ACOT13: variants seen among roughly 807,000 people sequenced by gnomAD.
The protein encoded by ACOT13 is acyl-coenzyme A thioesterase 13.
ACOT13 carries 10 observed loss-of-function variants against 11.8 expected under a neutral mutation model. That is an observed-to-expected ratio of 0.85 (90% CI 0.53 to 1.44). The LOEUF is 1.44. Among genes scored for constraint, ACOT13 ranks in the 40% most tolerant of loss-of-function variants. The pLI is 0.00. For missense variants in ACOT13, 172 were observed against 174.1 expected (o/e 0.99, Z 0.07); for synonymous variants, 53 against 61.0 (o/e 0.87, Z 0.61).
chr6:24,691,454 G>A (rs569266688), intron 1 of ACOT13, among the ~76,000 whole-genome samples: 1 of 152,296 alleles, frequency 6.6e-6, no homozygotes, highest in East Asian at 1.9e-4. Flanking sequence ...AGAATATATA[G>A]TATGTTAGAT....
chr6:24,677,463 G>C (rs1562156500), intron 1 of ACOT13, among the ~76,000 whole-genome samples: 1 of 152,190 alleles, frequency 6.6e-6, no homozygotes, highest in African/African-American at 2.4e-5. Flanking sequence ...GACTGCTACT[G>C]TTGCCACTAC....
chr6:24,672,666 T>C (rs531973228), intron 1 of ACOT13, among the ~76,000 whole-genome samples: 1 of 151,948 alleles, frequency 6.6e-6, no homozygotes, highest in Non-Finnish European at 1.5e-5. Flanking sequence ...ACAAAAGATA[T>C]AACTTCCATA....
At position 24,701,362 on chromosome 6, in the gene ACOT13, G is replaced by T. The variant is rs373925310; in HGVS notation, c.267-97G>T. 6 of 1,078,226 alleles carry T rather than the reference G, an allele frequency of 5.6e-6. No homozygotes were observed. In the African/African-American group the frequency reaches 9.6e-5, roughly 17 times the overall value. The allele number at this position is 1,078,226 out of a possible 1,614,324, so 66.8% of individuals were successfully genotyped here. A position where few individuals can be genotyped will look rare whatever the true frequency, so the allele number is the denominator to read the frequency against. ...AATACTACCGTTAAAACTATTTTTA[G>T]GAGTAAAATAAGTTACATAGGAACA... On this transcript the variant is annotated intron_variant, in intron 2 of 2. Transcript: ENST00000230048.
At chr6:24,668,128 G>A (rs778121007) in intron 1 of ACOT13, among the ~76,000 whole-genome samples, 7 of 150,686 alleles carry the variant, frequency 4.6e-5, no homozygotes, top group Non-Finnish European at 8.9e-5. Context: ...GGCTGCTCTC[G>A]AACTCCCGAC....
intron 1 of ACOT13, among the ~76,000 whole-genome samples, chr6:24,696,333 A>G (rs904272522): frequency 1.3e-5 from 2 of 152,186 alleles, no homozygotes; most frequent in Admixed American, 1.3e-4. Context: ...GAAGGTGGAA[A>G]GACCTACATC....
At chr6:24,673,735 T>C (rs1375823834) in intron 1 of ACOT13, among the ~76,000 whole-genome samples, 1 of 152,208 alleles carries the variant, frequency 6.6e-6, no homozygotes, top group East Asian at 1.9e-4. Context: ...TAATTTCGTG[T>C]ATATGTGTCT....
intron 1 of ACOT13, among the ~76,000 whole-genome samples, chr6:24,682,396 T>A (rs1267695701): frequency 6.6e-6 from 1 of 152,174 alleles, no homozygotes; most frequent in Non-Finnish European, 1.5e-5. Context: ...CGTGTTCTCT[T>A]ACCTGGGGTT....
At chr6:24,674,431 T>C (rs1220073443) in intron 1 of ACOT13, among the ~76,000 whole-genome samples, 3 of 151,310 alleles carry the variant, frequency 2.0e-5, no homozygotes, top group Admixed American at 6.6e-5. Flanking sequence ...TTTTTTGAGA[T>C]AGAGTCTCAT....
chr6:24,667,459 G>A, intron 1 of ACOT13, 115 bp downstream of exon 1: 1 of 920,922 alleles, frequency 1.1e-6, no homozygotes, highest in Non-Finnish European at 1.7e-6. Flanking sequence ...GTTCTAGTAC[G>A]CCTGTAAATT....
intron 1 of ACOT13, among the ~76,000 whole-genome samples, chr6:24,686,749 A>G (rs1310442620): frequency 6.6e-6 from 1 of 151,180 alleles, no homozygotes; most frequent in East Asian, 1.9e-4. Context: ...CACCCAGGCT[A>G]GAGTACAGTG....
chr6:24,683,541 A>T (rs1404331165), intron 1 of ACOT13, among the ~76,000 whole-genome samples: 1 of 151,692 alleles, frequency 6.6e-6, no homozygotes, highest in Non-Finnish European at 1.5e-5. Flanking sequence ...TCTCTCTCAA[A>T]AAAAAAATTA....
At chr6:24,699,938 C>T (rs1037701882) in intron 2 of ACOT13, among the ~76,000 whole-genome samples, 3 of 152,202 alleles carry the variant, frequency 2.0e-5, no homozygotes, top group African/African-American at 7.2e-5. Context: ...AACTGATTCA[C>T]TTCAACAAAA....
intron 1 of ACOT13, among the ~76,000 whole-genome samples, chr6:24,680,583 T>C (rs918266335): frequency 6.6e-6 from 1 of 152,208 alleles, no homozygotes; most frequent in South Asian, 2.1e-4. Context: ...AATGTAGCAG[T>C]CCTGCACCTA....
intron 1 of ACOT13, chr6:24,687,635 A>T (rs1042246658): frequency 3.3e-6 from 5 of 1,522,628 alleles, no homozygotes; most frequent in Non-Finnish European, 3.5e-6. Flanking sequence ...ACTGAACCTT[A>T]AAGACATACA....
At position 24,698,076 on chromosome 6, in the gene ACOT13, C is replaced by T; in HGVS notation, c.266+9C>T. ...GTCGATATGAACATAACGTATGTAT[C>T]CAAACTGTATTCCAAATCCCTTCTG... On this transcript the variant is annotated intron_variant, in intron 2 of 2. Coordinates refer to ENST00000230048, the MANE Select transcript of ACOT13 (RefSeq NM_018473.4). The T allele has an allele frequency of 6.3e-7, 1 of 1,580,856 alleles. No homozygotes were observed. The highest frequency in any genetic ancestry group is 8.6e-7 in the Non-Finnish European group (1 of 1,163,094).
At chr6:24,679,235 T>TA (rs1778507780) in intron 1 of ACOT13, among the ~76,000 whole-genome samples, 3 of 150,044 alleles carry the variant, frequency 2.0e-5, no homozygotes, top group Admixed American at 1.3e-4. Flanking sequence ...CCTTTTTTTT[T>TA]ATCCCGTTTG....
At chr6:24,685,402 A>T (rs1478281232) in intron 1 of ACOT13, among the ~76,000 whole-genome samples, 1 of 141,848 alleles carries the variant, frequency 7.0e-6, no homozygotes, top group African/African-American at 2.6e-5. Flanking sequence ...GCTGGAGTGC[A>T]GTGGTGCAAT....
rs896248138 is a variant in ACOT13, at chr6:24,668,401, A to G, written c.81+1057A>G. ...CAAGCCTGGCTAATTCTTTATTTTTATTAGAGACAGGGTTTCATCATGTTG... is the reference window on the plus strand; with the variant it reads ...CAAGCCTGGCTAATTCTTTATTTTTGTTAGAGACAGGGTTTCATCATGTTG... On this transcript the variant is annotated intron_variant, in intron 1 of 2. Transcript: ENST00000230048. 2.0e-5 allele frequency among the ~76,000 whole-genome samples: 3 copies of G among 151,752 alleles called. No homozygotes were observed. The East Asian group carries it at 5.8e-4, about 29-fold the overall frequency.
chr6:24,674,245 G>A (rs929670843), intron 1 of ACOT13, among the ~76,000 whole-genome samples: 4 of 152,106 alleles, frequency 2.6e-5, no homozygotes, highest in African/African-American at 9.7e-5. Flanking sequence ...TTATAGTAGG[G>A]ACAGGGTTTC....
Sources: allele counts gnomAD v4.1 joint callset (sites outside exome capture counted in the v4.1 genomes callset), GRCh38; gene constraint gnomAD v4.1.1; transcripts MANE v1.5; gene names NCBI Gene and HGNC (gene_info 2026-07-23, HGNC 2026-07-21).